The following SHROOM3 variants were observed in gnomAD, a reference collection of about 807,000 sequenced individuals.
SHROOM3 encodes the protein shroom family member 3, also known as protein Shroom3.
In SHROOM3, 47 loss-of-function variants were observed where a neutral mutation model predicts 138.6. That is an observed-to-expected ratio of 0.34 (90% CI 0.27 to 0.43). The LOEUF (loss-of-function observed/expected upper bound fraction) is 0.43. SHROOM3 is among the 20% of genes least tolerant of loss of function. SHROOM3 has a pLI of 1.00. For synonymous variants in SHROOM3, 1,062 were observed against 1,063.3 expected (o/e 1.00, Z 0.02); for missense variants, 2,491 against 2,596.5 (o/e 0.96, Z 0.88).
At chr4:76,762,094 A>T (rs1251041196) in intron 9 of SHROOM3, among the ~76,000 whole-genome samples, 1 of 152,130 alleles carries the variant, frequency 6.6e-6, no homozygotes, top group Non-Finnish European at 1.5e-5. Context: ...AGATCATGGT[A>T]TTAGAATTCA....
intron 2 of SHROOM3, among the ~76,000 whole-genome samples, chr4:76,654,670 G>A (rs973324169): frequency 6.6e-6 from 1 of 152,094 alleles, no homozygotes; most frequent in African/African-American, 2.4e-5. Context: ...GAAATATTTT[G>A]GAGATAAAAC....
chr4:76,642,665 G>A (rs530814149), intron 2 of SHROOM3, among the ~76,000 whole-genome samples: 17 of 152,244 alleles, frequency 1.1e-4, no homozygotes, highest in Non-Finnish European at 2.4e-4. Context: ...CATTTAAGCC[G>A]AACTGTAAAG....
At chr4:76,622,487 A>G (rs1295001808) in intron 2 of SHROOM3, among the ~76,000 whole-genome samples, 1 of 152,072 alleles carries the variant, frequency 6.6e-6, no homozygotes, top group Non-Finnish European at 1.5e-5. Context: ...ATATTTAACC[A>G]TTCACCATAG....
At chr4:76,731,265 AG>A (rs1385567051) in intron 4 of SHROOM3, among the ~76,000 whole-genome samples, 1 of 152,150 alleles carries the variant, frequency 6.6e-6, no homozygotes, top group Non-Finnish European at 1.5e-5. Context: ...TCAGTGCTTA[AG>A]TGTGCTTTCT....
chr4:76,569,592 T>G (rs1733793939), intron 2 of SHROOM3, among the ~76,000 whole-genome samples: 1 of 152,186 alleles, frequency 6.6e-6, no homozygotes, highest in Non-Finnish European at 1.5e-5. Flanking sequence ...TTACTGGTGG[T>G]AGGAAATGGA....
chr4:76,671,074 CTATT>C (rs1424323347), intron 2 of SHROOM3, among the ~76,000 whole-genome samples: 19 of 152,160 alleles, frequency 1.2e-4, no homozygotes, highest in African/African-American at 3.1e-4. Flanking sequence ...CTAGTTTAGC[CTATT>C]TATTTGTTTG....
intron 1 of SHROOM3, among the ~76,000 whole-genome samples, chr4:76,492,249 T>G (rs1450338539): frequency 6.6e-6 from 1 of 152,238 alleles, no homozygotes; most frequent in Non-Finnish European, 1.5e-5. Context: ...TGCTGGTGTC[T>G]GCTGCCAGGA....
rs748368762 is a variant in SHROOM3, at chr4:76,741,034, C to T, written c.2861C>T (p.Ser954Leu). The change falls in exon 5 of 11, where the codon TCG becomes TTG. Residue 954 changes from serine (S) to leucine (L), a missense_variant. By Grantham distance (145) the Ser-to-Leu change is moderately radical. Around this residue, in one of 4 missense-constraint regions of SHROOM3, gnomAD observed 1,733 missense variants for 1,661.6 expected, o/e 1.04. Coordinates refer to ENST00000296043, the MANE Select transcript of SHROOM3 (RefSeq NM_020859.4). The surrounding 1 kb of genome is among the most constrained non-coding windows in gnomAD (Gnocchi z 6.2). ...CTGGAGCTGGGGGCGCCCGTGGCGT[C>T]GAGGTCCTGGCGGCCACGGCCTTCC... is the stretch of plus-strand genomic sequence containing the variant. ...RDLELGAPVA[S>L]RSWRPRPSSA... 44 of 1,488,924 alleles carry T rather than the reference C, an allele frequency of 3.0e-5. No homozygotes were observed. The highest frequency in any genetic ancestry group is 3.8e-5 in the Non-Finnish European group (43 of 1,123,762). 92.2% of individuals were successfully genotyped at this position (1,488,924 alleles called of 1,614,324 possible). A position where few individuals can be genotyped will look rare whatever the true frequency, so the allele number is the denominator to read the frequency against.
Position 76,779,100 on chromosome 4 carries a change from A to G in SHROOM3, c.5914A>G (p.Asn1972Asp), listed in dbSNP as rs61741100. Residue 1972 changes from asparagine to aspartate, a missense_variant, in exon 11 of 11, where the codon AAC (asparagine) becomes GAC (aspartate). Around this residue, in one of 4 missense-constraint regions of SHROOM3, gnomAD observed 470 missense variants for 595.0 expected, o/e 0.79. Coordinates refer to ENST00000296043, the MANE Select transcript of SHROOM3 (RefSeq NM_020859.4). ...PKAGALALPP[N>D]LTSEPIPAGG... ...GGCTGGGGCCCTGGCTCTGCCCCCA[A>G]ACCTCACGAGTGAGCCCATTCCTGC... 6,294 of 1,614,182 alleles carry G rather than the reference A, an allele frequency of 3.9e-3. 217 individuals carry two copies. The African/African-American group carries it at 0.07, about 18-fold the overall frequency.
Position 76,483,640 on chromosome 4 carries a change from T to TA in SHROOM3, c.168+47421dup, listed in dbSNP as rs1406668912. Among the ~76,000 whole-genome samples, 7 of 152,328 alleles carry TA rather than the reference T, an allele frequency of 4.6e-5. No individual in the cohort carries two copies. In the East Asian group the frequency reaches 1.3e-3, roughly 29 times the overall value. On this transcript the variant is annotated intron_variant, in intron 1 of 10. Coordinates refer to ENST00000296043, the MANE Select transcript of SHROOM3 (RefSeq NM_020859.4). Reference sequence around the variant, plus strand: ...ATACCATTTGACCTAGCAATCCTATTACTGGGTATATACCCAAAGGATTAT... The same window carrying TA: ...ATACCATTTGACCTAGCAATCCTATTAACTGGGTATATACCCAAAGGATTAT...
At chr4:76,464,645 T>C (rs971588204) in intron 1 of SHROOM3, among the ~76,000 whole-genome samples, 17 of 152,134 alleles carry the variant, frequency 1.1e-4, no homozygotes, top group Admixed American at 3.3e-4. Context: ...TAATCCCCAA[T>C]GTTGGGGGAT....
At chr4:76,773,245 G>C (rs546905583) in intron 10 of SHROOM3, among the ~76,000 whole-genome samples, 3 of 151,726 alleles carry the variant, frequency 2.0e-5, no homozygotes, top group Admixed American at 2.0e-4. Context: ...TGTGTGGCGG[G>C]TGCCTGTAAT....
chr4:76,742,790 A>G (rs950450169), intron 5 of SHROOM3, among the ~76,000 whole-genome samples: 3 of 152,124 alleles, frequency 2.0e-5, no homozygotes, highest in Non-Finnish European at 4.4e-5. Flanking sequence ...ACCAAAGACA[A>G]TAATAGGAAT....
rs1415449235 is a variant in SHROOM3, at chr4:76,533,965, G to T, written c.169-21644G>T. Reference sequence around the variant, plus strand: ...GCAAATATTTAGCTCTATGACCCTGGGTAGGACAAAGACAATCTTGATGCA... The same window carrying T: ...GCAAATATTTAGCTCTATGACCCTGTGTAGGACAAAGACAATCTTGATGCA... On this transcript the variant is annotated intron_variant, in intron 1 of 10. Transcript: ENST00000296043. Among the ~76,000 whole-genome samples, 3 of 152,114 alleles carry T rather than the reference G, an allele frequency of 2.0e-5. No homozygotes were observed. In the East Asian group the frequency reaches 5.8e-4, roughly 29 times the overall value.
intron 2 of SHROOM3, among the ~76,000 whole-genome samples, chr4:76,677,929 G>C (rs1172445615): frequency 6.6e-6 from 1 of 152,148 alleles, no homozygotes; most frequent in Non-Finnish European, 1.5e-5. Context: ...GAATCTGCTT[G>C]TGAAAGTCTA....
At chr4:76,569,310 G>A (rs1733789913) in intron 2 of SHROOM3, among the ~76,000 whole-genome samples, 2 of 152,214 alleles carry the variant, frequency 1.3e-5, no homozygotes, top group Admixed American at 6.5e-5. Context: ...TAAAACTTTA[G>A]TACGGGGTGG....
intron 1 of SHROOM3, among the ~76,000 whole-genome samples, chr4:76,463,643 C>G (rs561137344): frequency 6.4e-4 from 97 of 152,310 alleles, no homozygotes; most frequent in African/African-American, 2.3e-3. Flanking sequence ...GGCCTAGAGT[C>G]CTAGAAGGAG....
chr4:76,451,164 G>T (rs1730919048), intron 1 of SHROOM3, among the ~76,000 whole-genome samples: 1 of 152,052 alleles, frequency 6.6e-6, no homozygotes, highest in Non-Finnish European at 1.5e-5. Context: ...TGGCCAGACT[G>T]GTCTTGAACT....
At chr4:76,638,417 G>C (rs768580080) in intron 2 of SHROOM3, among the ~76,000 whole-genome samples, 1 of 152,152 alleles carries the variant, frequency 6.6e-6, no homozygotes, top group Non-Finnish European at 1.5e-5. Context: ...AGATGTGGTG[G>C]TGCACATCTG....
Sources: allele counts gnomAD v4.1 joint callset (sites outside exome capture counted in the v4.1 genomes callset), GRCh38; gene constraint gnomAD v4.1.1; regional missense constraint gnomAD v4.1.1; non-coding constraint Gnocchi (gnomAD v3.1); transcripts MANE v1.5; gene names NCBI Gene and HGNC (gene_info 2026-07-23, HGNC 2026-07-21).